SLC35F3: variants seen among roughly 807,000 people sequenced by gnomAD.
SLC35F3 encodes solute carrier family 35 member F3, also known as putative thiamine transporter SLC35F3.
Under a neutral mutation model 49.9 loss-of-function variants are expected in SLC35F3, and 25 were observed. The ratio of observed to expected loss-of-function variants is 0.50; its 90% CI spans 0.37 to 0.70. The LOEUF (loss-of-function observed/expected upper bound fraction) is 0.70, where lower values mean the gene tolerates loss of function less well. Ranked by LOEUF, SLC35F3 falls within the 30% of genes least tolerant of loss-of-function variation. SLC35F3 has a pLI of 0.00. For synonymous variants in SLC35F3, 275 were observed against 265.4 expected, an observed-to-expected ratio of 1.04 and a Z score of -0.35; for missense variants, 525 against 639.8, an observed-to-expected ratio of 0.82 and a Z score of 1.94.
chr1:234,034,682 G>A lies in SLC35F3; in HGVS notation c.283+128924G>A, dbSNP rs554200138. On this transcript the variant is annotated intron_variant, in intron 2 of 7. Coordinates refer to ENST00000366618, the MANE Select transcript of SLC35F3 (RefSeq NM_173508.4). ...ATTATAGGCACGTGCCACCACACCCGGCTAATTTTTTTGTATTTTTGGTAG... is the reference window on the plus strand; with the variant it reads ...ATTATAGGCACGTGCCACCACACCCAGCTAATTTTTTTGTATTTTTGGTAG... Among the ~76,000 whole-genome samples, 227 of 151,976 alleles carry A rather than the reference G, an allele frequency of 1.5e-3. 1 individual carries two copies. In the South Asian group the frequency reaches 0.02, roughly 13 times the overall value.
chr1:234,240,632 G>A (rs1667540605), intron 3 of SLC35F3, among the ~76,000 whole-genome samples: 1 of 151,800 alleles, frequency 6.6e-6, no homozygotes, highest in Non-Finnish European at 1.5e-5. Context: ...AGCCAAATAT[G>A]TATATATATA....
intron 3 of SLC35F3, among the ~76,000 whole-genome samples, chr1:234,304,198 A>G (rs1162232227): frequency 1.3e-5 from 2 of 151,126 alleles, no homozygotes; most frequent in African/African-American, 4.9e-5. Flanking sequence ...GTCTTGCTCT[A>G]TTACACAGGC....
At chr1:233,916,016 C>T (rs1052614050) in intron 2 of SLC35F3, among the ~76,000 whole-genome samples, 35 of 152,178 alleles carry the variant, frequency 2.3e-4, no homozygotes, top group African/African-American at 7.5e-4. Flanking sequence ...ATGCTGTGCA[C>T]GTGTGGGAGT....
intron 2 of SLC35F3, among the ~76,000 whole-genome samples, chr1:233,922,639 C>G (rs1662084023): frequency 6.6e-6 from 1 of 152,214 alleles, no homozygotes; most frequent in South Asian, 2.1e-4. Context: ...TGTGCAGCAA[C>G]TCTTTAGTTT....
chr1:234,119,442 G>T (rs1308061590), intron 2 of SLC35F3, among the ~76,000 whole-genome samples: 2 of 151,928 alleles, frequency 1.3e-5, no homozygotes, highest in African/African-American at 2.4e-5. Context: ...TAGCTAATTT[G>T]TTATTAAAAA....
chr1:234,114,477 T>G (rs10910341), intron 2 of SLC35F3, among the ~76,000 whole-genome samples: 21,111 of 152,240 alleles, frequency 0.14, 3,208 homozygotes, highest in East Asian at 0.81. Flanking sequence ...TTTAATGGAG[T>G]ACTATTAGTT....
At chr1:233,962,363 A>G (rs192344728) in intron 2 of SLC35F3, among the ~76,000 whole-genome samples, 2 of 152,350 alleles carry the variant, frequency 1.3e-5, no homozygotes, top group Admixed American at 1.3e-4. Flanking sequence ...CTGGAAATTT[A>G]GTGTGTTTTA....
intron 2 of SLC35F3, among the ~76,000 whole-genome samples, chr1:234,070,150 C>G (rs1267637674): frequency 6.6e-6 from 1 of 152,188 alleles, no homozygotes; most frequent in African/African-American, 2.4e-5. Flanking sequence ...CTAAACTGAC[C>G]TTGCTCCTTA....
chr1:234,081,273 G>C (rs1420447286), intron 2 of SLC35F3, among the ~76,000 whole-genome samples: 1 of 152,186 alleles, frequency 6.6e-6, no homozygotes, highest in Non-Finnish European at 1.5e-5. Flanking sequence ...TAGATCTAAT[G>C]CCATACAATA....
chr1:234,005,914 A>G (rs929794431), intron 2 of SLC35F3, among the ~76,000 whole-genome samples: 1 of 152,172 alleles, frequency 6.6e-6, no homozygotes, highest in Admixed American at 6.5e-5. Context: ...TGCCACCCCA[A>G]TCTCTTAATT....
chr1:234,061,808 T>TA (rs1558218237), intron 2 of SLC35F3, among the ~76,000 whole-genome samples: 1 of 152,192 alleles, frequency 6.6e-6, no homozygotes, highest in East Asian at 1.9e-4. Context: ...TTTGGCTTTT[T>TA]AAAAAAATAA....
At chr1:233,935,189 C>CTTTTTTTTTTTTTTTTTTTT (rs35418747) in intron 2 of SLC35F3, among the ~76,000 whole-genome samples, 6 of 50,302 alleles carry the variant, frequency 1.2e-4, no homozygotes, top group Non-Finnish European at 1.3e-4. Flanking sequence ...TTTCCTTGCC[C>CTTTTTTTTTTTTTTTTTTTT]TTTTTTTTTT....
intron 2 of SLC35F3, among the ~76,000 whole-genome samples, chr1:234,212,366 A>G (rs1667057631): frequency 6.6e-6 from 1 of 152,238 alleles, no homozygotes; most frequent in South Asian, 2.1e-4. Context: ...TGTATCATAT[A>G]TCAAAACCAC....
intron 2 of SLC35F3, among the ~76,000 whole-genome samples, chr1:233,953,931 A>G (rs1386152303): frequency 1.3e-5 from 2 of 152,162 alleles, no homozygotes; most frequent in Non-Finnish European, 2.9e-5. Flanking sequence ...ACTTCCTGAC[A>G]ATCATGATAG....
chr1:234,151,661 T>C (rs1558243528), intron 2 of SLC35F3, among the ~76,000 whole-genome samples: 1 of 152,048 alleles, frequency 6.6e-6, no homozygotes, highest in Non-Finnish European at 1.5e-5. Context: ...CGTAGCGTCG[T>C]GCCTTAAGAG....
chr1:234,258,227 G>T (rs1359111405), intron 3 of SLC35F3, among the ~76,000 whole-genome samples: 2 of 152,196 alleles, frequency 1.3e-5, no homozygotes, highest in African/African-American at 2.4e-5. Flanking sequence ...AATCATAATG[G>T]GGGGTCAAAG....
chr1:233,915,985 GT>G (rs1416476779), intron 2 of SLC35F3, among the ~76,000 whole-genome samples: 1 of 152,214 alleles, frequency 6.6e-6, no homozygotes, highest in Non-Finnish European at 1.5e-5. Flanking sequence ...GGACAGTTGG[GT>G]TTTGTGCAGC....
chr1:233,933,640 C>T (rs750431300), intron 2 of SLC35F3, among the ~76,000 whole-genome samples: 18 of 152,046 alleles, frequency 1.2e-4, no homozygotes, highest in Non-Finnish European at 1.6e-4. Flanking sequence ...GACTTGAGGC[C>T]GGGAGTTCAA....
chr1:233,938,983 C>T (rs918571967), intron 2 of SLC35F3, among the ~76,000 whole-genome samples: 3 of 152,174 alleles, frequency 2.0e-5, no homozygotes, highest in Non-Finnish European at 4.4e-5. Flanking sequence ...CACCCAGTCT[C>T]CATTATCCAT....
Sources: gnomAD v4.1 joint callset for allele counts (sites outside exome capture counted in the v4.1 genomes callset) on GRCh38, gnomAD v4.1.1 for gene constraint, MANE v1.5 for transcripts, NCBI Gene and HGNC (gene_info 2026-07-23, HGNC 2026-07-21) for gene names.